Variants in KCND2 observed in about 807,000 individuals in gnomAD.
The protein encoded by KCND2 is potassium voltage-gated channel subfamily D member 2, also known as A-type voltage-gated potassium channel KCND2.
KCND2 carries 16 observed loss-of-function variants against 54.4 expected under a neutral mutation model. That is an observed-to-expected ratio of 0.29 (90% CI 0.20 to 0.45). KCND2 has a LOEUF of 0.45. Among genes scored for constraint, KCND2 ranks in the 20% least tolerant of loss-of-function variants. The probability of loss-of-function intolerance (pLI) is 1.00; values close to 1 mark genes in which losing one functional copy is unlikely to be tolerated. For missense variants in KCND2, 486 were observed against 824.2 expected, an observed-to-expected ratio of 0.59 and a Z score of 5.02; for synonymous variants, 317 against 310.7, an observed-to-expected ratio of 1.02 and a Z score of -0.21.
chr7:120,716,041 G>C (rs143161518), intron 1 of KCND2, among the ~76,000 whole-genome samples: 7 of 151,940 alleles, frequency 4.6e-5, no homozygotes, highest in African/African-American at 1.7e-4. Flanking sequence ...ACTCGGTAAG[G>C]CTAAGCCAAA....
chr7:120,418,652 A>T (rs1801562996), intron 1 of KCND2, among the ~76,000 whole-genome samples: 1 of 152,158 alleles, frequency 6.6e-6, no homozygotes. Context: ...GGTGGTGTTT[A>T]TATTCAGCCA....
intron 1 of KCND2, among the ~76,000 whole-genome samples, chr7:120,678,404 CAT>C (rs1183722918): frequency 7.6e-6 from 1 of 132,280 alleles, no homozygotes; most frequent in Non-Finnish European, 1.6e-5. Context: ...CACATACACA[CAT>C]ATATATACAC....
intron 1 of KCND2, among the ~76,000 whole-genome samples, chr7:120,677,851 G>A (rs1792086127): frequency 6.6e-6 from 1 of 152,062 alleles, no homozygotes; most frequent in East Asian, 1.9e-4. Flanking sequence ...GGTGCCTAAT[G>A]TAGGCTTATG....
chr7:120,494,528 A>G (rs1802824075), intron 1 of KCND2, among the ~76,000 whole-genome samples: 1 of 152,174 alleles, frequency 6.6e-6, no homozygotes, highest in Non-Finnish European at 1.5e-5. Context: ...CAATATAGAA[A>G]GTCATATCAT....
chr7:120,437,204 C>T (rs1412005499), intron 1 of KCND2, among the ~76,000 whole-genome samples: 1 of 130,398 alleles, frequency 7.7e-6, no homozygotes, highest in Non-Finnish European at 1.6e-5. Context: ...CAATATACAA[C>T]TTTTTTTTTT....
intron 1 of KCND2, among the ~76,000 whole-genome samples, chr7:120,569,164 A>G (rs1792333853): frequency 4.6e-5 from 7 of 152,104 alleles, no homozygotes; most frequent in Admixed American, 4.6e-4. Context: ...CTACATAAAG[A>G]TATTTCTGAG....
At chr7:120,689,877 G>T (rs181727764) in intron 1 of KCND2, among the ~76,000 whole-genome samples, 1 of 152,150 alleles carries the variant, frequency 6.6e-6, no homozygotes, top group Non-Finnish European at 1.5e-5. Flanking sequence ...GCTAAGCCAC[G>T]GGCTTCTCAT....
At chr7:120,728,227 C>T (rs1239845433) in intron 1 of KCND2, among the ~76,000 whole-genome samples, 1 of 149,758 alleles carries the variant, frequency 6.7e-6, no homozygotes, top group Non-Finnish European at 1.5e-5. Flanking sequence ...GCTGTGTTAT[C>T]TAAAATATTT....
chr7:120,594,019 G>A (rs1421272742), intron 1 of KCND2, among the ~76,000 whole-genome samples: 1 of 152,116 alleles, frequency 6.6e-6, no homozygotes, highest in Non-Finnish European at 1.5e-5. Flanking sequence ...ACTCACCAGG[G>A]ACTTATGCCT....
intron 1 of KCND2, among the ~76,000 whole-genome samples, chr7:120,328,943 A>G (rs1362731721): frequency 2.0e-5 from 3 of 152,298 alleles, no homozygotes; most frequent in South Asian, 4.1e-4. Flanking sequence ...GGGAAATACC[A>G]TAAAAATATC....
intron 1 of KCND2, among the ~76,000 whole-genome samples, chr7:120,296,576 A>T (rs894535302): frequency 6.6e-6 from 1 of 152,142 alleles, no homozygotes; most frequent in Non-Finnish European, 1.5e-5. Context: ...AAGCCTTTTT[A>T]GTTCATAGTA....
Position 120,274,836 on chromosome 7 carries a change from C to A in KCND2, c.204C>A (p.Gly68=). 2 of 1,614,132 alleles carry A rather than the reference C, an allele frequency of 1.2e-6. No individual in the cohort carries two copies. Among genetic ancestry groups the A allele is most frequent in the Non-Finnish European group, 1.7e-6 (2 of 1,180,000 alleles). ...AACGTTACCCAGACACTCTACTGGG[C>A]AGTTCTGAGAGGGACTTTTTCTACC... The part of the protein sequence containing the change: ...TLERYPDTLL[G]SSERDFFYHP... The change falls in exon 1 of 6, where the codon GGC becomes GGA. Residue 68 remains glycine, a synonymous_variant. Transcript: ENST00000331113.
chr7:120,282,259 C>T (rs1799277252), intron 1 of KCND2, among the ~76,000 whole-genome samples: 2 of 152,172 alleles, frequency 1.3e-5, no homozygotes, highest in African/African-American at 4.8e-5. Flanking sequence ...GGTGTTCTCT[C>T]TTACCAGTAA....
chr7:120,563,325 A>G (rs924781244), intron 1 of KCND2, among the ~76,000 whole-genome samples: 2 of 152,186 alleles, frequency 1.3e-5, no homozygotes, highest in African/African-American at 4.8e-5. Flanking sequence ...TCAGATTGCA[A>G]CACTGTTCAC....
At chr7:120,695,731 A>G (rs1410208346) in intron 1 of KCND2, among the ~76,000 whole-genome samples, 1 of 152,192 alleles carries the variant, frequency 6.6e-6, no homozygotes, top group African/African-American at 2.4e-5. Flanking sequence ...AAGCCTTCCA[A>G]TCCGTTCCCT....
At chr7:120,289,402 C>T (rs1799402487) in intron 1 of KCND2, among the ~76,000 whole-genome samples, 2 of 152,044 alleles carry the variant, frequency 1.3e-5, no homozygotes, top group South Asian at 4.2e-4. Flanking sequence ...CAGGGCTAAC[C>T]AACAAAATCA....
At chr7:120,319,326 G>A (rs1014149620) in intron 1 of KCND2, among the ~76,000 whole-genome samples, 1 of 151,966 alleles carries the variant, frequency 6.6e-6, no homozygotes, top group Non-Finnish European at 1.5e-5. Flanking sequence ...TAGACAAGTA[G>A]AAAAAATTAC....
chr7:120,567,093 A>T (rs1375171360), intron 1 of KCND2, among the ~76,000 whole-genome samples: 1 of 152,146 alleles, frequency 6.6e-6, no homozygotes, highest in East Asian at 1.9e-4. Flanking sequence ...AAAAACTCTT[A>T]TGAAAGAATC....
At chr7:120,636,447 T>C (rs1189670081) in intron 1 of KCND2, among the ~76,000 whole-genome samples, 2 of 152,174 alleles carry the variant, frequency 1.3e-5, no homozygotes, top group East Asian at 3.8e-4. Flanking sequence ...TAATAATGCT[T>C]CATGGGCTAT....
Sources: allele counts gnomAD v4.1 joint callset (sites outside exome capture counted in the v4.1 genomes callset), GRCh38; gene constraint gnomAD v4.1.1; transcripts MANE v1.5; gene names NCBI Gene and HGNC (gene_info 2026-07-23, HGNC 2026-07-21).